Variants in MYBL2 observed in about 807,000 individuals in gnomAD.
MYBL2 encodes myb-related protein B.
MYBL2 carries 28 observed loss-of-function variants against 79.9 expected under a neutral mutation model. The ratio of observed to expected loss-of-function variants is 0.35; its 90% confidence interval spans 0.26 to 0.48. The LOEUF (loss-of-function observed/expected upper bound fraction) is 0.48. Among genes scored for constraint, MYBL2 ranks in the 20% least tolerant of loss-of-function variants. The pLI is 0.99. For missense variants in MYBL2, 735 were observed against 893.9 expected (o/e 0.82, Z 2.27); for synonymous variants, 378 against 361.2 (o/e 1.05, Z -0.53).
intron 2 of MYBL2, among the ~76,000 whole-genome samples, chr20:43,675,911 GT>G (rs3092199): frequency 2.1e-5 from 3 of 144,770 alleles, no homozygotes; most frequent in Admixed American, 6.9e-5. Context: ...CCAATAGGTA[GT>G]TTTTTTTTTT....
chr20:43,692,194 A>G lies in MYBL2; in HGVS notation c.538A>G (p.Ile180Val). 1 of 1,614,144 alleles carries G rather than the reference A, an allele frequency of 6.2e-7. No homozygotes were observed. Among genetic ancestry groups the G allele is most frequent in the Non-Finnish European group, 8.5e-7 (1 of 1,180,032 alleles). Reference sequence around the variant, plus strand: ...TGTGAAGAATCACTGGAACTCTACCATCAAAAGGAAGGTGGACACAGGAGG... The same window carrying G: ...TGTGAAGAATCACTGGAACTCTACCGTCAAAAGGAAGGTGGACACAGGAGG... ...NAVKNHWNST[I>V]KRKVDTGGFL... The change falls in exon 6 of 14, where the codon ATC becomes GTC. Residue 180 changes from isoleucine to valine, a missense_variant. Coordinates refer to ENST00000217026, the MANE Select transcript of MYBL2 (RefSeq NM_002466.4).
chr20:43,676,226 G>A (rs930451595), intron 2 of MYBL2, among the ~76,000 whole-genome samples: 9 of 151,958 alleles, frequency 5.9e-5, no homozygotes, highest in Non-Finnish European at 1.3e-4. Context: ...GCCCCAATAG[G>A]TAGTTTTTTG....
At chr20:43,695,816 C>G (rs541893973) in intron 6 of MYBL2, among the ~76,000 whole-genome samples, 7 of 152,224 alleles carry the variant, frequency 4.6e-5, no homozygotes, top group Non-Finnish European at 1.0e-4. Flanking sequence ...AGCAAACAGG[C>G]CAGGCGTCAT....
chr20:43,678,125 A>G (rs1355878001), intron 2 of MYBL2, among the ~76,000 whole-genome samples: 1 of 152,086 alleles, frequency 6.6e-6, no homozygotes, highest in African/African-American at 2.4e-5. Flanking sequence ...AAGAGTCATC[A>G]CCACTCCCTA....
In MYBL2 at chr20:43,711,053, C is replaced by T. The variant is rs149293273; in HGVS notation, c.1606-435C>T. Among the ~76,000 whole-genome samples, 1,187 of 152,286 alleles carry T rather than the reference C, an allele frequency of 7.8e-3. 8 individuals are homozygous for T. Among genetic ancestry groups the T allele is most frequent in the African/African-American group, 0.027 (1,115 of 41,548 alleles). ...CCTGAAGCTGGAGAGGTCCTTGGAACCCCGAGGCCTGAGAAAGGGAAATGG... is the reference window on the plus strand; with the variant it reads ...CCTGAAGCTGGAGAGGTCCTTGGAATCCCGAGGCCTGAGAAAGGGAAATGG... On this transcript the variant is annotated intron_variant, in intron 10 of 13. Transcript: ENST00000217026.
rs145574249 is a variant in MYBL2 at position 43,702,694 on chromosome 20, C to A, written c.1156C>A (p.Arg386=). Residue 386 remains arginine, a synonymous_variant, in exon 8 of 14, where the codon CGG becomes AGG. Transcript: ENST00000217026. ...CATCTCAGACCTGAGCCGGAGCAGC[C>A]GGGGCGAGCTGATCCCCATCTCCCC... The part of the protein sequence containing the change: ...HTISDLSRSS[R]GELIPISPST... The A allele has an allele frequency of 3.7e-6, 6 of 1,613,526 alleles. No individual in the cohort carries two copies. In the African/African-American group the frequency reaches 8.0e-5, roughly 22 times the overall value.
At position 43,702,578 on chromosome 20, in the gene MYBL2, T is replaced by G. The variant is rs1285984578; in HGVS notation, c.1040T>G (p.Leu347Arg). 3 of 1,614,098 alleles carry G rather than the reference T, an allele frequency of 1.9e-6. No individual in the cohort carries two copies. Among genetic ancestry groups the G allele is most frequent in the Non-Finnish European group, 2.5e-6 (3 of 1,180,048 alleles). The part of the protein sequence containing the change: ...EDSINNSLVQ[L>R]QASHQQQVLP... Reference sequence around the variant, plus strand: ...AGTATCAACAACAGCCTAGTGCAGCTGCAAGCGTCACATCAGCAGCAAGTC... The same window carrying G: ...AGTATCAACAACAGCCTAGTGCAGCGGCAAGCGTCACATCAGCAGCAAGTC... The change falls in exon 8 of 14, where the codon CTG becomes CGG. Residue 347 changes from leucine to arginine, a missense_variant. Physicochemically the swap from Leu to Arg is moderately radical, Grantham distance 102 (BLOSUM62 -2). Coordinates refer to ENST00000217026, the MANE Select transcript of MYBL2 (RefSeq NM_002466.4).
intron 4 of MYBL2, among the ~76,000 whole-genome samples, chr20:43,684,321 T>G (rs888937330): frequency 2.0e-5 from 3 of 151,908 alleles, no homozygotes; most frequent in Admixed American, 6.6e-5. Flanking sequence ...TACTGCAACC[T>G]TCGCCTCCTG....
intron 1 of MYBL2, among the ~76,000 whole-genome samples, chr20:43,673,024 A>C (rs945088672): frequency 6.6e-6 from 1 of 151,962 alleles, no homozygotes; most frequent in African/African-American, 2.4e-5. Context: ...GCTCATTGCA[A>C]CCTTCACCTC....
intron 11 of MYBL2, 32 bp downstream of exon 11, chr20:43,711,633 A>T: frequency 1.3e-6 from 2 of 1,567,860 alleles, no homozygotes; most frequent in Non-Finnish European, 1.7e-6. Flanking sequence ...GAGCCTGGGC[A>T]GGGGGAATTG....
chr20:43,712,760 A>G (rs1987937934), intron 11 of MYBL2, among the ~76,000 whole-genome samples: 1 of 152,114 alleles, frequency 6.6e-6, no homozygotes, highest in Non-Finnish European at 1.5e-5. Context: ...GTTCCTGCTC[A>G]CTGTCGCAGC....
intron 9 of MYBL2, among the ~76,000 whole-genome samples, chr20:43,707,609 G>T (rs1987819097): frequency 6.6e-6 from 1 of 152,054 alleles, no homozygotes; most frequent in African/African-American, 2.4e-5. Context: ...GGCCAGGCTG[G>T]TCTCGAACTC....
In MYBL2 at chr20:43,702,886, C is replaced by A; in HGVS notation, c.1348C>A (p.Pro450Thr). 6.3e-7 allele frequency: 1 copy of A among 1,593,486 alleles called. No individual in the cohort carries two copies. The highest frequency in any genetic ancestry group is 8.6e-7 in the Non-Finnish European group (1 of 1,164,214). Reference sequence around the variant, plus strand: ...CAAGAGCACACCTGTTAAGACCCTGCCCTTCTCGCCCTCCCAGGTGCGTGG... The same window carrying A: ...CAAGAGCACACCTGTTAAGACCCTGACCTTCTCGCCCTCCCAGGTGCGTGG... ...TPKSTPVKTL[P>T]FSPSQFLNFW... Residue 450 changes from proline to threonine, a missense_variant, in exon 8 of 14, where the codon CCC becomes ACC. Pro to Thr is a conservative substitution (Grantham distance 38, BLOSUM62 -1). This residue lies in a region of MYBL2 where 243 missense variants were observed against 327.2 expected (regional missense o/e 0.74). Transcript: ENST00000217026.
At chr20:43,685,527 CTT>C (rs1315021249) in intron 4 of MYBL2, among the ~76,000 whole-genome samples, 1 of 151,972 alleles carries the variant, frequency 6.6e-6, no homozygotes, top group Non-Finnish European at 1.5e-5. Context: ...TTTGAAAATA[CTT>C]TTTTGGCTGG....
chr20:43,715,070 T>G (rs1451058117), intron 12 of MYBL2, 64 bp from the exon 13 acceptor site: 1 of 1,594,748 alleles, frequency 6.3e-7, no homozygotes, highest in African/African-American at 1.3e-5. Flanking sequence ...GGATTGCGGG[T>G]TTTTTTCTTC....
intron 12 of MYBL2, among the ~76,000 whole-genome samples, chr20:43,714,899 G>A (rs1987992410): frequency 6.6e-6 from 1 of 152,208 alleles, no homozygotes; most frequent in African/African-American, 2.4e-5. Context: ...AAAGTGCTGG[G>A]ATTACAGGCG....
chr20:43,696,862 G>A (rs1418317458), intron 6 of MYBL2, among the ~76,000 whole-genome samples: 2 of 152,298 alleles, frequency 1.3e-5, no homozygotes, highest in Non-Finnish European at 2.9e-5. Context: ...GAGTAGCTGG[G>A]ATTACAGGCA....
chr20:43,693,806 T>A (rs1006456792), intron 6 of MYBL2, among the ~76,000 whole-genome samples: 4 of 151,960 alleles, frequency 2.6e-5, no homozygotes, highest in African/African-American at 9.7e-5. Context: ...ATCCCAGCAC[T>A]TTGGGAGGCC....
At chr20:43,671,492 G>A (rs1986855794) in intron 1 of MYBL2, among the ~76,000 whole-genome samples, 1 of 106,252 alleles carries the variant, frequency 9.4e-6, no homozygotes, top group South Asian at 3.4e-4. Context: ...TTTTTTGTGA[G>A]ATGGAGTTTC....
Sources: allele counts gnomAD v4.1 joint callset (sites outside exome capture counted in the v4.1 genomes callset), GRCh38; gene constraint gnomAD v4.1.1; regional missense constraint gnomAD v4.1.1; transcripts MANE v1.5; gene names NCBI Gene and HGNC (gene_info 2026-07-23, HGNC 2026-07-21).